ZNF608: variants seen among roughly 807,000 people sequenced by gnomAD.
ZNF608 encodes the protein renal carcinoma antigen NY-REN-36.
In ZNF608, 12 loss-of-function variants were observed where a neutral mutation model predicts 109.0. The ratio of observed to expected loss-of-function variants is 0.11; its 90% confidence interval spans 0.07 to 0.18. The LOEUF (loss-of-function observed/expected upper bound fraction) is 0.18. ZNF608 is among the 10% of genes least tolerant of loss of function. ZNF608 has a pLI of 1.00. For missense variants in ZNF608, 1,707 were observed against 1,879.3 expected, an observed-to-expected ratio of 0.91 and a Z score of 1.70; for synonymous variants, 732 against 717.4, an observed-to-expected ratio of 1.02 and a Z score of -0.33.
chr5:124,741,572 TA>T (rs1405203006), intron 2 of ZNF608, among the ~76,000 whole-genome samples: 2 of 152,286 alleles, frequency 1.3e-5, no homozygotes, highest in South Asian at 2.1e-4. Context: ...TAAAACACTG[TA>T]TAAAATGTCA....
chr5:124,646,747 C>T lies in ZNF608; in HGVS notation c.3637G>A (p.Val1213Ile), dbSNP rs369453851. ...MENHQLIKEA[V>I]EMKSVMDSMK... ...GAGTCCATGACAGACTTCATTTCTA[C>T]AGCCTCCTTAATAAGCTGGTGGTTT... The change falls in exon 5 of 10, where the codon GTA becomes ATA. Residue 1213 changes from valine to isoleucine, a missense_variant. By Grantham distance (29) the Val-to-Ile change is conservative. Around this residue, in one of 7 missense-constraint regions of ZNF608, gnomAD observed 1,073 missense variants for 1,133.5 expected, o/e 0.95. Coordinates refer to ENST00000513986, the MANE Select transcript of ZNF608 (RefSeq NM_020747.3). 2.5e-6 allele frequency: 4 copies of T among 1,614,242 alleles called. No individual in the cohort carries two copies. The highest frequency in any genetic ancestry group is 3.4e-6 in the Non-Finnish European group (4 of 1,180,050).
chr5:124,659,071 T>C (rs988741207), intron 3 of ZNF608, among the ~76,000 whole-genome samples: 3 of 151,970 alleles, frequency 2.0e-5, no homozygotes, highest in African/African-American at 7.3e-5. Context: ...ACTCAGGAGG[T>C]CACTGAAGAT....
At chr5:124,721,941 CAA>C (rs199699487) in intron 2 of ZNF608, among the ~76,000 whole-genome samples, 917 of 20,608 alleles carry the variant, frequency 0.044, 1 homozygote, top group Non-Finnish European at 0.063. Context: ...GACTCTGTCT[CAA>C]AAAAAAAAAA....
chr5:124,744,669 T>G lies in ZNF608; in HGVS notation c.321A>C (p.Lys107Asn), dbSNP rs1383438691. The G allele has an allele frequency of 6.2e-7, 1 of 1,614,188 alleles. No homozygotes were observed. Among genetic ancestry groups the G allele is most frequent in the Non-Finnish European group, 8.5e-7 (1 of 1,180,034 alleles). ...SHKETSKSKVKRSKTSKDANK... is the reference protein window; with the variant it reads ...SHKETSKSKVNRSKTSKDANK... ...TAGCATCCTTAGAAGTTTTACTCCT[T>G]TTCACTTTTGATTTGCTGGTCTCTT... Residue 107 changes from lysine to asparagine, a missense_variant, in exon 2 of 10, where the codon AAA (lysine) becomes AAC (asparagine). Physicochemically the swap from Lys to Asn is moderately conservative, Grantham distance 94 (BLOSUM62 0). This residue lies in a region of ZNF608 where 407 missense variants were observed against 398.7 expected (regional missense o/e 1.02). Coordinates refer to ENST00000513986, the MANE Select transcript of ZNF608 (RefSeq NM_020747.3). The surrounding 1 kb of genome is among the most constrained non-coding windows in gnomAD (Gnocchi z 4.5).
chr5:124,638,578 A>C (rs1314393002), intron 9 of ZNF608, among the ~76,000 whole-genome samples: 5 of 152,204 alleles, frequency 3.3e-5, no homozygotes, highest in Non-Finnish European at 5.9e-5. Flanking sequence ...TTGGCACTGT[A>C]AACCAGAAAA....
upstream of ZNF608, chr5:124,748,507 G>T: frequency 1.0e-6 from 1 of 983,872 alleles, no homozygotes; most frequent in East Asian, 1.1e-4. Context: ...GTGCTATATA[G>T]AGACACACCA....
intron 3 of ZNF608, among the ~76,000 whole-genome samples, chr5:124,673,858 C>A (rs1751829370): frequency 6.6e-6 from 1 of 152,078 alleles, no homozygotes; most frequent in Non-Finnish European, 1.5e-5. Flanking sequence ...AGAAAGAAAG[C>A]AATTATAATT....
intron 3 of ZNF608, among the ~76,000 whole-genome samples, chr5:124,653,860 G>T (rs936343012): frequency 1.3e-5 from 2 of 152,172 alleles, no homozygotes; most frequent in African/African-American, 4.8e-5. Context: ...TTCCAAGGGC[G>T]CAATAGCTAT....
rs542894867 is a variant in ZNF608 at position 124,639,274 on chromosome 5, C to T, written c.4451-60G>A. The T allele has an allele frequency of 1.0e-5, 15 of 1,504,942 alleles. No homozygotes were observed. In the East Asian group the frequency reaches 2.9e-4, roughly 30 times the overall value. The allele number at this position is 1,504,942 out of a possible 1,614,324, so 93.2% of individuals were successfully genotyped here. On this transcript the variant is annotated intron_variant, in intron 8 of 9. Transcript: ENST00000513986. ...TTAGAAGGATAAGAGTAGATACAGG[C>T]CCAGTGGAGAAGGGCCGCAGACCTA...
chr5:124,719,201 G>T (rs1434052803), intron 2 of ZNF608, among the ~76,000 whole-genome samples: 1 of 152,170 alleles, frequency 6.6e-6, no homozygotes, highest in Non-Finnish European at 1.5e-5. Context: ...AACTAGCTCT[G>T]ACAACCCATA....
Position 124,744,089 on chromosome 5 carries a change from C to T in ZNF608, c.901G>A (p.Glu301Lys), listed in dbSNP as rs2069809889. The T allele has an allele frequency of 6.3e-7, 1 of 1,584,538 alleles. No individual in the cohort carries two copies. The highest frequency in any genetic ancestry group is 8.6e-7 in the Non-Finnish European group (1 of 1,165,022). Reference protein sequence around the residue: ...SHRRIKKLKTEKVDPLFTVPA... With the variant: ...SHRRIKKLKTKKVDPLFTVPA... ...GGAAGGCGACTTTATCCTACCTTCT[C>T]AGTTTTCAGTTTCTTGATTCGCCTG... The change falls in exon 2 of 10, where the codon GAG (glutamate) becomes AAG (lysine). Residue 301 changes from glutamate (E) to lysine (K), a missense_variant. Glu to Lys is a moderately conservative substitution (Grantham distance 56). Around this residue, in one of 7 missense-constraint regions of ZNF608, gnomAD observed 407 missense variants for 398.7 expected, o/e 1.02. Coordinates refer to ENST00000513986, the MANE Select transcript of ZNF608 (RefSeq NM_020747.3). The surrounding 1 kb of genome is among the most constrained non-coding windows in gnomAD (Gnocchi z 4.5).
At chr5:124,683,872 G>T (rs532830560) in intron 3 of ZNF608, among the ~76,000 whole-genome samples, 56 of 152,090 alleles carry the variant, frequency 3.7e-4, no homozygotes, top group Non-Finnish European at 6.6e-4. Flanking sequence ...TTAGACCAGG[G>T]GTTCCAAAAC....
At chr5:124,643,810 C>T in intron 6 of ZNF608, 127 bp from the exon 7 acceptor site, 1 of 890,396 alleles carries the variant, frequency 1.1e-6, no homozygotes, top group South Asian at 1.8e-5. Flanking sequence ...TAAGAATGGG[C>T]TACATCATCA....
Position 124,717,014 on chromosome 5 carries a change from G to A in ZNF608, c.907-15745C>T, listed in dbSNP as rs976421384. 1.1e-4 allele frequency among the ~76,000 whole-genome samples: 17 copies of A among 152,188 alleles called. No individual in the cohort carries two copies. The South Asian group carries it at 3.3e-3, about 30-fold the overall frequency. Reference sequence around the variant, plus strand: ...GGAGAATCACTTGAACCTGGGAGACGGAGGTTGCAGTGAGCCAAGATGACA... The same window carrying A: ...GGAGAATCACTTGAACCTGGGAGACAGAGGTTGCAGTGAGCCAAGATGACA... On this transcript the variant is annotated intron_variant, in intron 2 of 9. Coordinates refer to ENST00000513986, the MANE Select transcript of ZNF608 (RefSeq NM_020747.3).
At chr5:124,660,705 G>C (rs933796893) in intron 3 of ZNF608, among the ~76,000 whole-genome samples, 2 of 152,116 alleles carry the variant, frequency 1.3e-5, no homozygotes, top group Non-Finnish European at 2.9e-5. Context: ...GAGTAATATG[G>C]ATATTAAATA....
intron 3 of ZNF608, among the ~76,000 whole-genome samples, chr5:124,696,589 T>C (rs891966497): frequency 3.9e-5 from 6 of 152,142 alleles, no homozygotes; most frequent in African/African-American, 1.2e-4. Context: ...TATCAATAAA[T>C]TAGGAAGAGT....
intron 2 of ZNF608, among the ~76,000 whole-genome samples, chr5:124,724,609 C>A (rs1373806205): frequency 6.8e-6 from 1 of 146,976 alleles, no homozygotes; most frequent in Non-Finnish European, 1.5e-5. Context: ...TTCAACAGCA[C>A]GTGTGTGTGT....
intron 2 of ZNF608, among the ~76,000 whole-genome samples, chr5:124,723,782 G>A (rs1754030584): frequency 6.6e-6 from 1 of 151,632 alleles, no homozygotes; most frequent in South Asian, 2.1e-4. Flanking sequence ...ATGAAGAGAT[G>A]GGAAAAAATA....
At position 124,648,236 on chromosome 5, in the gene ZNF608, C is replaced by G; in HGVS notation, c.2148G>C (p.Lys716Asn). 3 of 1,613,678 alleles carry G rather than the reference C, an allele frequency of 1.9e-6. No homozygotes were observed. The highest frequency in any genetic ancestry group is 1.7e-6 in the Non-Finnish European group (2 of 1,179,892). The change falls in exon 5 of 10, where the codon AAG (lysine) becomes AAC (asparagine). Residue 716 changes from lysine to asparagine, a missense_variant. Coordinates refer to ENST00000513986, the MANE Select transcript of ZNF608 (RefSeq NM_020747.3). ...IDKKNLGDKE[K>N]GKKATNCKTD... The stretch of plus-strand genomic sequence containing the variant: ...TTTTGCAGTTGGTAGCTTTTTTGCC[C>G]TTTTCTTTATCTCCTAAATTTTTCT...
Sources: allele counts gnomAD v4.1 joint callset (sites outside exome capture counted in the v4.1 genomes callset), GRCh38; gene constraint gnomAD v4.1.1; regional missense constraint gnomAD v4.1.1; non-coding constraint Gnocchi (gnomAD v3.1); transcripts MANE v1.5; gene names NCBI Gene and HGNC (gene_info 2026-07-23, HGNC 2026-07-21).